The following SLC35E2B variants were observed in gnomAD, a reference collection of about 807,000 sequenced individuals.
SLC35E2B encodes the protein solute carrier family 35, member E2B.
Under a neutral mutation model 32.4 loss-of-function variants are expected in SLC35E2B, and 18 were observed. That is an observed-to-expected ratio of 0.56 (90% CI 0.38 to 0.82). The LOEUF is 0.82. Among genes scored for constraint, SLC35E2B ranks in the 40% least tolerant of loss-of-function variants. The pLI is 0.00. For missense variants in SLC35E2B, 263 were observed against 469.5 expected, an observed-to-expected ratio of 0.56 and a Z score of 4.06; for synonymous variants, 132 against 209.1, an observed-to-expected ratio of 0.63 and a Z score of 3.18.
intron 2 of SLC35E2B, among the ~76,000 whole-genome samples, chr1:1,687,478 G>T (rs964752541): frequency 4.6e-5 from 7 of 152,072 alleles, no homozygotes; most frequent in Non-Finnish European, 1.0e-4. Flanking sequence ...GGTGGCTCAC[G>T]CCTGTAATCC....
At chr1:1,681,787 T>C (rs1317196437) in intron 2 of SLC35E2B, among the ~76,000 whole-genome samples, 2 of 149,942 alleles carry the variant, frequency 1.3e-5, no homozygotes, top group Non-Finnish European at 3.0e-5. Flanking sequence ...AGATGGAGAC[T>C]ATCCTGACTA....
chr1:1,678,084 A>G (rs1344363053), intron 2 of SLC35E2B, among the ~76,000 whole-genome samples: 1 of 151,924 alleles, frequency 6.6e-6, no homozygotes, highest in African/African-American at 2.4e-5. Context: ...ATCCTGTCTC[A>G]CCAAGGCGCT....
In SLC35E2B at chr1:1,689,158, C is replaced by G. The variant is rs184585643; in HGVS notation, c.-148+1818G>C. Among the ~76,000 whole-genome samples the G allele has an allele frequency of 2.7e-3, 414 of 151,944 alleles. 1 individual carries two copies. The highest frequency in any genetic ancestry group is 3.4e-3 in the Non-Finnish European group (229 of 67,982). ...CTACACTCCAACCTGGCTGACAGAG[C>G]GAGACTGTCTCAAAAAAAAACAAAC... On this transcript the variant is annotated intron_variant, in intron 2 of 9. Coordinates refer to ENST00000617444, the MANE Select transcript of SLC35E2B (RefSeq NM_001290264.2).
At chr1:1,685,870 C>T (rs530312239) in intron 2 of SLC35E2B, among the ~76,000 whole-genome samples, 6 of 152,262 alleles carry the variant, frequency 3.9e-5, no homozygotes, top group Non-Finnish European at 8.8e-5. Flanking sequence ...CTCGCTCTGT[C>T]GCCCAGGCTG....
At chr1:1,674,634 A>AAC (rs1275291202) in intron 5 of SLC35E2B, among the ~76,000 whole-genome samples, 4 of 63,384 alleles carry the variant, frequency 6.3e-5, no homozygotes, top group Non-Finnish European at 2.4e-4. Flanking sequence ...TAAAAAAAAC[A>AAC]AAAAAAAAAA....
At chr1:1,683,597 A>G (rs924348884) in intron 2 of SLC35E2B, among the ~76,000 whole-genome samples, 8 of 151,936 alleles carry the variant, frequency 5.3e-5, no homozygotes, top group Admixed American at 2.0e-4. Flanking sequence ...GGGTTTTTAC[A>G]GCGTTTAATC....
intron 9 of SLC35E2B, among the ~76,000 whole-genome samples, chr1:1,666,865 G>A (rs1398777115): frequency 7.2e-5 from 11 of 152,134 alleles, no homozygotes; most frequent in Non-Finnish European, 1.6e-4. Flanking sequence ...CAGCACTGTG[G>A]GAGGCCGAGG....
At chr1:1,669,319 A>T (rs1286240711) in intron 8 of SLC35E2B, among the ~76,000 whole-genome samples, 1 of 151,950 alleles carries the variant, frequency 6.6e-6, no homozygotes, top group African/African-American at 2.4e-5. Context: ...AGATCACACC[A>T]TTGCACTCCA....
chr1:1,688,455 C>A (rs1047286808), intron 2 of SLC35E2B, among the ~76,000 whole-genome samples: 2 of 151,600 alleles, frequency 1.3e-5, no homozygotes, highest in Non-Finnish European at 2.9e-5. Context: ...AAAAAATTAG[C>A]CGGGCATGAT....
chr1:1,663,400 A>G lies in SLC35E2B; in HGVS notation c.*2382T>C, dbSNP rs1234580170. The G allele has an allele frequency of 3.4e-6, 3 of 872,204 alleles. No homozygotes were observed. The highest frequency in any genetic ancestry group is 4.0e-6 in the Non-Finnish European group (3 of 742,694). 54.0% of individuals were successfully genotyped at this position (872,204 alleles called of 1,614,324 possible). Reference sequence around the variant, plus strand: ...CACATTCTCGACGGGGAGGTGGACAAGGCCACCCTGGGAGTTGCTTTCAAT... The same window carrying G: ...CACATTCTCGACGGGGAGGTGGACAGGGCCACCCTGGGAGTTGCTTTCAAT... On this transcript the variant is annotated 3_prime_UTR_variant, in exon 10 of 10. Transcript: ENST00000617444.
chr1:1,677,942 G>A (rs1218095028), intron 2 of SLC35E2B, among the ~76,000 whole-genome samples: 1 of 151,784 alleles, frequency 6.6e-6, no homozygotes, highest in Non-Finnish European at 1.5e-5. Flanking sequence ...AGACGCCACT[G>A]TGACTCCGCA....
chr1:1,689,225 C>G (rs1348441446), intron 2 of SLC35E2B, among the ~76,000 whole-genome samples: 1 of 152,110 alleles, frequency 6.6e-6, no homozygotes, highest in Non-Finnish European at 1.5e-5. Context: ...CCACGAGTTG[C>G]TGAAGAAGGA....
chr1:1,688,898 G>A (rs1196644836), intron 2 of SLC35E2B, among the ~76,000 whole-genome samples: 9 of 151,714 alleles, frequency 5.9e-5, no homozygotes, highest in Non-Finnish European at 8.8e-5. Flanking sequence ...GAGGTCGGGC[G>A]CGGTGGCTCA....
intron 2 of SLC35E2B, among the ~76,000 whole-genome samples, chr1:1,680,041 C>A (rs183602961): frequency 6.3e-4 from 95 of 151,954 alleles, no homozygotes; most frequent in African/African-American, 2.1e-3. Flanking sequence ...GCAGGAGAAT[C>A]GCTTGAACCC....
intron 9 of SLC35E2B, 136 bp from the exon 10 acceptor site, chr1:1,666,155 C>A: frequency 9.4e-7 from 1 of 1,064,484 alleles, no homozygotes; most frequent in Non-Finnish European, 1.3e-6. Context: ...ATCAGCCCTG[C>A]GGCCAGCAGC....
intron 2 of SLC35E2B, among the ~76,000 whole-genome samples, chr1:1,681,497 G>A (rs560457513): frequency 1.4e-4 from 21 of 149,456 alleles, no homozygotes; most frequent in Non-Finnish European, 1.9e-4. Context: ...GTGAGCCACC[G>A]CGCCCGGCCT....
intron 5 of SLC35E2B, chr1:1,673,241 C>T: frequency 2.3e-6 from 1 of 437,034 alleles, no homozygotes; most frequent in South Asian, 1.6e-5. Flanking sequence ...GGTGCTCATA[C>T]ACGCACTGAG....
chr1:1,687,272 T>C (rs1557766907), intron 2 of SLC35E2B, among the ~76,000 whole-genome samples: 1 of 152,082 alleles, frequency 6.6e-6, no homozygotes, highest in African/African-American at 2.4e-5. Context: ...CCTTGGTTTC[T>C]AAATATCATT....
chr1:1,688,398 A>C (rs557696363), intron 2 of SLC35E2B, among the ~76,000 whole-genome samples: 1 of 152,038 alleles, frequency 6.6e-6, no homozygotes, highest in South Asian at 2.1e-4. Context: ...CAAGGTCAGG[A>C]CATCGAGATC....
Sources: gnomAD v4.1 joint callset for allele counts (sites outside exome capture counted in the v4.1 genomes callset) on GRCh38, gnomAD v4.1.1 for gene constraint, MANE v1.5 for transcripts, NCBI Gene and HGNC (gene_info 2026-07-23, HGNC 2026-07-21) for gene names.